PCP4: variants seen among roughly 807,000 people sequenced by gnomAD.
PCP4 encodes Purkinje cell protein 4.
PCP4 carries 8 observed loss-of-function variants against 10.0 expected under a neutral mutation model. The ratio of observed to expected loss-of-function variants is 0.80; its 90% CI spans 0.47 to 1.45. The LOEUF is 1.45. Among genes scored for constraint, PCP4 ranks in the 40% most tolerant of loss-of-function variants. The pLI is 0.00. For missense variants in PCP4, 54 were observed against 74.4 expected (o/e 0.73, Z 1.01); for synonymous variants, 21 against 23.0 (o/e 0.91, Z 0.24).
chr21:39,927,328 TC>T (rs2087628253), intron 2 of PCP4, among the ~76,000 whole-genome samples: 1 of 74,078 alleles, frequency 1.3e-5, no homozygotes, highest in African/African-American at 5.4e-5. Context: ...CTATCATCTA[TC>T]TATCTATCTG....
At chr21:39,919,505 T>C (rs1449281735) in intron 2 of PCP4, among the ~76,000 whole-genome samples, 2 of 152,226 alleles carry the variant, frequency 1.3e-5, no homozygotes, top group Admixed American at 1.3e-4. Context: ...CTCGGGACTA[T>C]TATATCCCAA....
chr21:39,923,245 T>C (rs2087605495), intron 2 of PCP4, among the ~76,000 whole-genome samples: 1 of 152,214 alleles, frequency 6.6e-6, no homozygotes, highest in Non-Finnish European at 1.5e-5. Flanking sequence ...ATTAGGCGTC[T>C]CTCTGAACCA....
At position 39,867,469 on chromosome 21, in the gene PCP4, G is replaced by A. The variant is rs1337766575; in HGVS notation, c.-33G>A. On this transcript the variant is annotated 5_prime_UTR_variant, in exon 1 of 3. Transcript: ENST00000328619. ...CCCTGAGCAGTGTTCTCTGTGCTGA[G>A]CGGCGGGACTGAGCTGTTGAGTTAG... 1 of 1,613,812 alleles carries A rather than the reference G, an allele frequency of 6.2e-7. No individual in the cohort carries two copies. Among genetic ancestry groups the A allele is most frequent in the African/African-American group, 1.3e-5 (1 of 74,938 alleles).
intron 2 of PCP4, among the ~76,000 whole-genome samples, chr21:39,918,128 A>G (rs1261379838): frequency 6.6e-6 from 1 of 152,208 alleles, no homozygotes; most frequent in Non-Finnish European, 1.5e-5. Flanking sequence ...CTTTGTCATG[A>G]TAGCCTAAGC....
At chr21:39,921,595 A>G (rs564862684) in intron 2 of PCP4, among the ~76,000 whole-genome samples, 59 of 152,232 alleles carry the variant, frequency 3.9e-4, no homozygotes, top group African/African-American at 1.3e-3. Flanking sequence ...TCCCCACCCA[A>G]ATTAATATGT....
At chr21:39,908,271 G>C (rs2087522633) in intron 2 of PCP4, among the ~76,000 whole-genome samples, 2 of 151,992 alleles carry the variant, frequency 1.3e-5, no homozygotes, top group African/African-American at 4.8e-5. Flanking sequence ...GGCTGTCCCT[G>C]TGAAGGTTAA....
chr21:39,879,349 T>C (rs997832339), intron 1 of PCP4, among the ~76,000 whole-genome samples: 3 of 152,124 alleles, frequency 2.0e-5, no homozygotes, highest in African/African-American at 7.2e-5. Context: ...AATACCTCCT[T>C]CAAGTTCATA....
At chr21:39,868,648 C>T (rs961605602) in intron 1 of PCP4, among the ~76,000 whole-genome samples, 2 of 152,182 alleles carry the variant, frequency 1.3e-5, no homozygotes, top group Non-Finnish European at 2.9e-5. Flanking sequence ...CAGGCTGTCT[C>T]TGCATCTGTC....
chr21:39,912,766 A>C (rs9982624), intron 2 of PCP4, among the ~76,000 whole-genome samples: 26,730 of 152,022 alleles, frequency 0.18, 2,442 homozygotes, highest in East Asian at 0.26. Flanking sequence ...GCTGGAGTGC[A>C]GTAGTGAGAT....
chr21:39,907,885 G>T (rs780405909), intron 2 of PCP4, among the ~76,000 whole-genome samples: 12 of 152,190 alleles, frequency 7.9e-5, no homozygotes, highest in African/African-American at 2.9e-4. Context: ...AGCAGGAGAA[G>T]AGAGGAGAGT....
intron 2 of PCP4, among the ~76,000 whole-genome samples, chr21:39,917,852 T>C (rs1485747096): frequency 6.6e-6 from 1 of 152,106 alleles, no homozygotes; most frequent in Non-Finnish European, 1.5e-5. Flanking sequence ...TATTTGGAGA[T>C]AGGGTCTTTA....
intron 1 of PCP4, among the ~76,000 whole-genome samples, chr21:39,892,447 C>T (rs896895404): frequency 7.2e-5 from 11 of 151,874 alleles, no homozygotes; most frequent in African/African-American, 2.4e-4. Flanking sequence ...CTCCACCCCA[C>T]GGTGGATAAC....
chr21:39,888,911 C>T (rs1011245718), intron 1 of PCP4, among the ~76,000 whole-genome samples: 5 of 152,344 alleles, frequency 3.3e-5, no homozygotes, highest in Non-Finnish European at 7.3e-5. Flanking sequence ...TACCTAATTT[C>T]TACGTTTCAC....
intron 2 of PCP4, among the ~76,000 whole-genome samples, chr21:39,926,783 AC>A (rs2146353165): frequency 6.6e-6 from 1 of 152,310 alleles, no homozygotes; most frequent in Admixed American, 6.5e-5. Context: ...GCCACAGGAA[AC>A]TTTTACTTCT....
chr21:39,902,669 A>G (rs1304342936), intron 2 of PCP4, among the ~76,000 whole-genome samples: 2 of 152,204 alleles, frequency 1.3e-5, no homozygotes, highest in Non-Finnish European at 2.9e-5. Flanking sequence ...TTCTACTAGA[A>G]CTAGATTTTG....
intron 1 of PCP4, among the ~76,000 whole-genome samples, chr21:39,884,852 TA>T (rs754642802): frequency 6.6e-6 from 1 of 152,040 alleles, no homozygotes; most frequent in Non-Finnish European, 1.5e-5. Flanking sequence ...CTGAAAAGTT[TA>T]TTTGTGTGCT....
intron 1 of PCP4, among the ~76,000 whole-genome samples, chr21:39,882,556 G>A (rs756132078): frequency 8.5e-5 from 13 of 152,206 alleles, no homozygotes; most frequent in Non-Finnish European, 1.9e-4. Flanking sequence ...CCCCATGTGG[G>A]TTTTCTGATC....
At chr21:39,920,392 C>T (rs1299998397) in intron 2 of PCP4, among the ~76,000 whole-genome samples, 5 of 125,262 alleles carry the variant, frequency 4.0e-5, no homozygotes, top group East Asian at 2.5e-4. Flanking sequence ...GTGGTGTGTG[C>T]GTGGTGTGTT....
chr21:39,927,423 AG>A (rs2087630475), intron 2 of PCP4, among the ~76,000 whole-genome samples: 1 of 152,048 alleles, frequency 6.6e-6, no homozygotes, highest in Admixed American at 6.6e-5. Flanking sequence ...AGGATAGAAC[AG>A]GCAGGCCTTA....
Sources: allele counts gnomAD v4.1 joint callset (sites outside exome capture counted in the v4.1 genomes callset), GRCh38; gene constraint gnomAD v4.1.1; transcripts MANE v1.5; gene names NCBI Gene and HGNC (gene_info 2026-07-23, HGNC 2026-07-21).